The following ADPRM variants were observed in gnomAD, a reference collection of about 807,000 sequenced individuals.
The protein encoded by ADPRM is ADP-ribose/CDP-alcohol diphosphatase, manganese dependent.
A neutral mutation model predicts 27.2 loss-of-function variants in ADPRM; 17 were observed. The ratio of observed to expected loss-of-function variants is 0.63; its 90% CI spans 0.43 to 0.94. The LOEUF is 0.94. Ranked by LOEUF, ADPRM falls within the 40% of genes least tolerant of loss-of-function variation. The pLI is 0.00. For missense variants in ADPRM, 337 were observed against 412.8 expected (o/e 0.82, Z 1.59); for synonymous variants, 135 against 145.3 (o/e 0.93, Z 0.51).
chr17:10,708,450 A>AAAAAAAAAAAAAAAAAAAAAAAC (rs57337863), intron 3 of ADPRM, among the ~76,000 whole-genome samples: 1 of 118,938 alleles, frequency 8.4e-6, no homozygotes, highest in African/African-American at 3.5e-5. Flanking sequence ...AAAAAAAAAA[A>AAAAAAAAAAAAAAAAAAAAAAAC]CCTTTGAAAA....
chr17:10,705,632 A>C lies in ADPRM; in HGVS notation c.601+105A>C, dbSNP rs911616740. The C allele has an allele frequency of 2.5e-5, 37 of 1,466,038 alleles. No individual in the cohort carries two copies. The highest frequency in any genetic ancestry group is 3.1e-5 in the Non-Finnish European group (34 of 1,103,074). 90.8% of individuals were successfully genotyped at this position (1,466,038 alleles called of 1,614,324 possible). ...ACAATTAAGGTAAAAGTATATTGTC[A>C]CTTGTTCAGGGTCAGGATTTCTCAC... On this transcript the variant is annotated intron_variant, in intron 2 of 3. Transcript: ENST00000379774. The surrounding 1 kb of genome is among the most constrained non-coding windows in gnomAD (Gnocchi z 5.4).
chr17:10,701,259 C>G (rs148770873), intron 1 of ADPRM, among the ~76,000 whole-genome samples: 1 of 152,028 alleles, frequency 6.6e-6, no homozygotes, highest in Non-Finnish European at 1.5e-5. Flanking sequence ...GAAATATTTC[C>G]TTAGGTCTTC....
rs1342643378 is a variant in ADPRM, at chr17:10,704,917, T to C, written c.-10T>C. 1 of 1,560,658 alleles carries C rather than the reference T, an allele frequency of 6.4e-7. No individual in the cohort carries two copies. The highest frequency in any genetic ancestry group is 2.1e-5 in the Admixed American group (1 of 47,634). ...TCTTTTTACTTTATTTAGAAACCTG[T>C]TTGGAGGTTATGGATGATAAACCCA... On this transcript the variant is annotated 5_prime_UTR_variant, in exon 2 of 4. Transcript: ENST00000379774.
At chr17:10,697,882 G>A in intron 1 of ADPRM, 1 of 299,320 alleles carries the variant, frequency 3.3e-6, no homozygotes. Context: ...CCCCCACCTC[G>A]GAAGAGAGAA....
At position 10,704,983 on chromosome 17, in the gene ADPRM, C is replaced by T; in HGVS notation, c.57C>T (p.Ser19=). ...GTGACAGTTCAGAGCGTCTTTTCTC[C>T]TTTGGCGTCATCGCAGATGTTCAAT... ...ALSDSSERLF[S]FGVIADVQFA... The change falls in exon 2 of 4, where the codon TCC becomes TCT. Residue 19 remains serine (S), a synonymous_variant. Coordinates refer to ENST00000379774, the MANE Select transcript of ADPRM (RefSeq NM_020233.5). 6.2e-7 allele frequency: 1 copy of T among 1,614,098 alleles called. No homozygotes were observed. The highest frequency in any genetic ancestry group is 8.5e-7 in the Non-Finnish European group (1 of 1,180,006).
chr17:10,710,691 T>A, intron 3 of ADPRM, 143 bp from the exon 4 acceptor site: 1 of 720,934 alleles, frequency 1.4e-6, no homozygotes, highest in South Asian at 2.0e-5. Flanking sequence ...TTCTTGTGTG[T>A]GAATTCTCTC....
Position 10,711,194 on chromosome 17 carries a change from T to TAAAAAAA in ADPRM, c.*53_*54insAAAAAAA. ...AAATGAGCTTTGTGTTTGTCCCTCCTAAACAAAAAAATAAAAATCCTCTGT... is the reference window on the plus strand; with the variant it reads ...AAATGAGCTTTGTGTTTGTCCCTCCTAAAAAAAAAACAAAAAAATAAAAATCCTCTGT... On this transcript the variant is annotated 3_prime_UTR_variant, in exon 4 of 4. Transcript: ENST00000379774. 1 of 1,430,970 alleles carries TAAAAAAA rather than the reference T, an allele frequency of 7.0e-7. No individual in the cohort carries two copies. Among genetic ancestry groups the TAAAAAAA allele is most frequent in the Admixed American group, 2.2e-5 (1 of 44,786 alleles). The allele number at this position is 1,430,970 out of a possible 1,614,324, so 88.6% of individuals were successfully genotyped here. A position where few individuals can be genotyped will look rare whatever the true frequency, so the allele number is the denominator to read the frequency against.
intron 1 of ADPRM, chr17:10,699,069 C>T (rs1486623465): frequency 6.6e-6 from 1 of 152,114 alleles, no homozygotes; most frequent in Admixed American, 6.5e-5. Flanking sequence ...GCAACTTCTT[C>T]ATATTAATTT....
Position 10,705,860 on chromosome 17 carries a change from A to C in ADPRM, c.601+333A>C. 1 of 312,426 alleles carries C rather than the reference A, an allele frequency of 3.2e-6. No individual in the cohort carries two copies. The highest frequency in any genetic ancestry group is 6.0e-6 in the Non-Finnish European group (1 of 166,720). The allele number at this position is 312,426 out of a possible 1,614,324, so 19.4% of individuals were successfully genotyped here. A position where few individuals can be genotyped will look rare whatever the true frequency, so the allele number is the denominator to read the frequency against. ...GACAGATGATAAATGAAACAGAAACAAGATTATTTCCACGGTCGTAAGTGC... is the reference window on the plus strand; with the variant it reads ...GACAGATGATAAATGAAACAGAAACCAGATTATTTCCACGGTCGTAAGTGC... On this transcript the variant is annotated intron_variant, in intron 2 of 3. Coordinates refer to ENST00000379774, the MANE Select transcript of ADPRM (RefSeq NM_020233.5). The surrounding 1 kb of genome is among the most constrained non-coding windows in gnomAD (Gnocchi z 5.4).
rs2074784264 is a variant in ADPRM, at chr17:10,702,301, T to C, written c.-17-2609T>C. On this transcript the variant is annotated intron_variant, in intron 1 of 3. Transcript: ENST00000379774. The surrounding 1 kb of genome is among the most constrained non-coding windows in gnomAD (Gnocchi z 4.2). Reference sequence around the variant, plus strand: ...GTGCTTCTCTCCACATTAACTTTCCTTAAAAATTGCCAGTTCTTAGGATAG... The same window carrying C: ...GTGCTTCTCTCCACATTAACTTTCCCTAAAAATTGCCAGTTCTTAGGATAG... Among the ~76,000 whole-genome samples, 1 of 152,232 alleles carries C rather than the reference T, an allele frequency of 6.6e-6. No individual in the cohort carries two copies. The highest frequency in any genetic ancestry group is 2.1e-4 in the South Asian group (1 of 4,836).
Position 10,699,463 on chromosome 17 carries a change from G to A in ADPRM, c.-18+1796G>A, listed in dbSNP as rs1348095531. ...TTATTACTGCTGTGAAACCACCAAAGTCACCAAATGAGGTTTATGTTTTGT... is the reference window on the plus strand; with the variant it reads ...TTATTACTGCTGTGAAACCACCAAAATCACCAAATGAGGTTTATGTTTTGT... On this transcript the variant is annotated intron_variant, in intron 1 of 3. Transcript: ENST00000379774. 4.7e-5 allele frequency among the ~76,000 whole-genome samples: 7 copies of A among 148,734 alleles called. No individual in the cohort carries two copies. The East Asian group carries it at 1.4e-3, about 29-fold the overall frequency.
chr17:10,697,721 C>G, intron 1 of ADPRM, 54 bp downstream of exon 1: 1 of 649,492 alleles, frequency 1.5e-6, no homozygotes, highest in Non-Finnish European at 2.7e-6. Flanking sequence ...GGCGGTGCTG[C>G]GGGGCCGCGG....
At chr17:10,701,527 C>T (rs1210143474) in intron 1 of ADPRM, among the ~76,000 whole-genome samples, 1 of 152,126 alleles carries the variant, frequency 6.6e-6, no homozygotes, top group Non-Finnish European at 1.5e-5. Flanking sequence ...GATGGGGTTT[C>T]ACCATGTTAG....
At chr17:10,698,554 T>C (rs981901129) in intron 1 of ADPRM, among the ~76,000 whole-genome samples, 6 of 152,306 alleles carry the variant, frequency 3.9e-5, no homozygotes, top group South Asian at 2.1e-4. Context: ...GGCTTTTTTT[T>C]CCCCCATGGG....
Position 10,706,451 on chromosome 17 carries a change from C to G in ADPRM, c.615C>G (p.Pro205=). 2 of 1,596,432 alleles carry G rather than the reference C, an allele frequency of 1.3e-6. No homozygotes were observed. Among genetic ancestry groups the G allele is most frequent in the Non-Finnish European group, 1.7e-6 (2 of 1,173,730 alleles). ...ELNSPQGLSE[P]QFVQFNGGFS... The stretch of plus-strand genomic sequence containing the variant: ...AATTCATTTCAGGACTTTCTGAGCC[C>G]CAGTTTGTCCAGTTTAATGGAGGAT... The change falls in exon 3 of 4, where the codon CCC becomes CCG. Residue 205 remains proline, a synonymous_variant. Coordinates refer to ENST00000379774, the MANE Select transcript of ADPRM (RefSeq NM_020233.5).
At chr17:10,706,339 T>A in intron 2 of ADPRM, 99 bp from the exon 3 acceptor site, 1 of 739,716 alleles carries the variant, frequency 1.4e-6, no homozygotes, top group Admixed American at 2.6e-5. Flanking sequence ...AATCAGATAT[T>A]CCTAAAGAAA....
rs560867516 is a variant in ADPRM, at chr17:10,697,630, C to G, written c.-55C>G. 10 of 1,261,992 alleles carry G rather than the reference C, an allele frequency of 7.9e-6. No homozygotes were observed. The East Asian group carries it at 1.0e-4, about 13-fold the overall frequency. The allele number at this position is 1,261,992 out of a possible 1,614,324, so 78.2% of individuals were successfully genotyped here. A position where few individuals can be genotyped will look rare whatever the true frequency, so the allele number is the denominator to read the frequency against. ...TCGTTGGTGGCGCTGTTACATAGCC[C>G]GTAGTCAGAGGCCTTTCAGCCCAGG... On this transcript the variant is annotated 5_prime_UTR_variant, in exon 1 of 4. Transcript: ENST00000379774.
intron 2 of ADPRM, 91 bp from the exon 3 acceptor site, chr17:10,706,347 A>T (rs1331572063): frequency 3.2e-5 from 26 of 810,474 alleles, no homozygotes; most frequent in Admixed American, 2.5e-4. Context: ...ATTCCTAAAG[A>T]AAAAACAAGT....
intron 3 of ADPRM, among the ~76,000 whole-genome samples, chr17:10,710,463 T>C (rs891434427): frequency 4.6e-5 from 7 of 152,330 alleles, no homozygotes; most frequent in Non-Finnish European, 7.3e-5. Context: ...AGGAAATCAA[T>C]TGGATTGGAT....
Sources: allele counts gnomAD v4.1 joint callset (sites outside exome capture counted in the v4.1 genomes callset), GRCh38; gene constraint gnomAD v4.1.1; non-coding constraint Gnocchi (gnomAD v3.1); transcripts MANE v1.5; gene names NCBI Gene and HGNC (gene_info 2026-07-23, HGNC 2026-07-21).